Variants in PODXL observed in about 807,000 individuals in gnomAD.
PODXL encodes podocalyxin.
In PODXL, 20 loss-of-function variants were observed where a neutral mutation model predicts 48.9. The ratio of observed to expected loss-of-function variants is 0.41; its 90% CI spans 0.29 to 0.59. The LOEUF (loss-of-function observed/expected upper bound fraction) is 0.59, where lower values mean the gene tolerates loss of function less well. PODXL is among the 20% of genes least tolerant of loss of function. The pLI is 0.31. For missense variants in PODXL, 606 were observed against 675.1 expected (o/e 0.90, Z 1.13); for synonymous variants, 295 against 287.4 (o/e 1.03, Z -0.27).
intron 1 of PODXL, among the ~76,000 whole-genome samples, chr7:131,533,121 G>A (rs915420197): frequency 6.6e-6 from 1 of 152,172 alleles, no homozygotes; most frequent in African/African-American, 2.4e-5. Flanking sequence ...GCAAGGCCGG[G>A]TCCCCAACGT....
chr7:131,529,670 AT>A (rs1191177375), intron 1 of PODXL, among the ~76,000 whole-genome samples: 2 of 151,750 alleles, frequency 1.3e-5, no homozygotes, highest in Non-Finnish European at 2.9e-5. Context: ...GTGTTCCTCG[AT>A]TGGTGTGCCA....
chr7:131,516,258 TGGC>T (rs1265247015), intron 1 of PODXL, among the ~76,000 whole-genome samples: 7 of 152,336 alleles, frequency 4.6e-5, no homozygotes, highest in Non-Finnish European at 1.0e-4. Context: ...ATGAAAGTCT[TGGC>T]TGGGCACGGT....
At chr7:131,528,583 T>G (rs1321875999) in intron 1 of PODXL, among the ~76,000 whole-genome samples, 1 of 152,188 alleles carries the variant, frequency 6.6e-6, no homozygotes, top group African/African-American at 2.4e-5. Flanking sequence ...AGGACCACAC[T>G]TTGAGAACCA....
At chr7:131,536,908 TGAGATCAGGAGTTCAAGACC>T (rs907963276) in intron 1 of PODXL, among the ~76,000 whole-genome samples, 6 of 151,132 alleles carry the variant, frequency 4.0e-5, no homozygotes, top group Non-Finnish European at 8.9e-5. Flanking sequence ...TCAGATCACT[TGAGATCAGGAGTTCAAGACC>T]AGCCTGGCCA....
intron 1 of PODXL, among the ~76,000 whole-genome samples, chr7:131,541,321 T>C (rs1798477644): frequency 6.6e-6 from 1 of 151,832 alleles, no homozygotes; most frequent in South Asian, 2.1e-4. Context: ...GTGGAGCCTG[T>C]ATCTTTTGGA....
Position 131,502,491 on chromosome 7 carries a change from A to G in PODXL, c.*1820T>C, listed in dbSNP as rs895569134. On this transcript the variant is annotated 3_prime_UTR_variant, in exon 9 of 9. Coordinates refer to ENST00000378555, the MANE Select transcript of PODXL (RefSeq NM_001018111.3). The stretch of plus-strand genomic sequence containing the variant: ...GAATTAGGCAGATGGTGCAGGACAG[A>G]TCTTCCCCAGCCCCTCCCCCTACCC... The G allele has an allele frequency of 6.6e-6, 1 of 152,156 alleles. No homozygotes were observed. Among genetic ancestry groups the G allele is most frequent in the Non-Finnish European group, 1.5e-5 (1 of 68,090 alleles). The allele number at this position is 152,156 out of a possible 1,614,324, so 9.4% of individuals were successfully genotyped here. A position where few individuals can be genotyped will look rare whatever the true frequency, so the allele number is the denominator to read the frequency against.
At chr7:131,550,169 G>A (rs1029749397) in intron 1 of PODXL, among the ~76,000 whole-genome samples, 6 of 152,248 alleles carry the variant, frequency 3.9e-5, no homozygotes, top group Non-Finnish European at 8.8e-5. Context: ...CAGCCAGTGG[G>A]CCAGTGGCAA....
At chr7:131,512,124 A>G (rs1380844961) in intron 1 of PODXL, among the ~76,000 whole-genome samples, 1 of 152,186 alleles carries the variant, frequency 6.6e-6, no homozygotes, top group Admixed American at 6.5e-5. Flanking sequence ...ACAAATTACT[A>G]TTTCAGTACT....
At chr7:131,550,261 A>C (rs1022805030) in intron 1 of PODXL, among the ~76,000 whole-genome samples, 3 of 152,222 alleles carry the variant, frequency 2.0e-5, no homozygotes, top group African/African-American at 7.2e-5. Context: ...CTAACTCTTA[A>C]ATAGCAACAT....
At chr7:131,529,471 A>G (rs1450022141) in intron 1 of PODXL, among the ~76,000 whole-genome samples, 2 of 152,004 alleles carry the variant, frequency 1.3e-5, no homozygotes, top group Admixed American at 1.3e-4. Context: ...GGGAAAGGAA[A>G]CTGGAAAGAA....
At chr7:131,553,650 A>G (rs1480761139) in intron 1 of PODXL, among the ~76,000 whole-genome samples, 1 of 152,212 alleles carries the variant, frequency 6.6e-6, no homozygotes, top group Non-Finnish European at 1.5e-5. Context: ...GGTCATGCAC[A>G]TCTCTCTGAC....
At chr7:131,505,499 T>C (rs987189758) in intron 8 of PODXL, among the ~76,000 whole-genome samples, 2 of 151,726 alleles carry the variant, frequency 1.3e-5, no homozygotes. Context: ...ATACAAAAAT[T>C]AGGCGGGCGT....
chr7:131,534,399 A>C (rs1343803276), intron 1 of PODXL, among the ~76,000 whole-genome samples: 1 of 152,220 alleles, frequency 6.6e-6, no homozygotes, highest in Admixed American at 6.5e-5. Flanking sequence ...GTCAGCCTCA[A>C]GTTCTACCCT....
intron 1 of PODXL, among the ~76,000 whole-genome samples, chr7:131,555,601 T>C (rs566927174): frequency 2.0e-5 from 3 of 152,258 alleles, no homozygotes; most frequent in South Asian, 4.1e-4. Context: ...AGCCACGCAC[T>C]AAGAAGCGAT....
At chr7:131,556,233 C>A (rs954419073) in intron 1 of PODXL, 27 bp downstream of exon 1, 1 of 1,453,500 alleles carries the variant, frequency 6.9e-7, no homozygotes. Context: ...GGTGGGAGTC[C>A]CGGCGGAACC....
intron 1 of PODXL, among the ~76,000 whole-genome samples, chr7:131,517,033 G>A (rs141173042): frequency 2.0e-5 from 3 of 152,064 alleles, no homozygotes; most frequent in East Asian, 3.9e-4. Context: ...TTTCTTAGTG[G>A]TTCATAAAAT....
At chr7:131,555,206 G>A (rs1419368098) in intron 1 of PODXL, among the ~76,000 whole-genome samples, 1 of 152,162 alleles carries the variant, frequency 6.6e-6, no homozygotes, top group South Asian at 2.1e-4. Context: ...CCCTGTCTGT[G>A]CTGTCCCCGC....
intron 1 of PODXL, among the ~76,000 whole-genome samples, chr7:131,524,379 C>CACACACAGAGAGAGAGAGAG (rs746255906): frequency 3.8e-4 from 40 of 104,098 alleles, no homozygotes; most frequent in African/African-American, 8.9e-4. Context: ...CACACACACA[C>CACACACAGAGAGAGAGAGAG]AGAGAGAGAG....
At chr7:131,537,115 G>C (rs1798387325) in intron 1 of PODXL, among the ~76,000 whole-genome samples, 1 of 151,606 alleles carries the variant, frequency 6.6e-6, no homozygotes, top group South Asian at 2.1e-4. Flanking sequence ...GACAGAGTGA[G>C]ACCCTGTATA....
Sources: gnomAD v4.1 joint callset for allele counts (sites outside exome capture counted in the v4.1 genomes callset) on GRCh38, gnomAD v4.1.1 for gene constraint, MANE v1.5 for transcripts, NCBI Gene and HGNC (gene_info 2026-07-23, HGNC 2026-07-21) for gene names.